The following GPAT3 variants were observed in gnomAD, a reference collection of about 807,000 sequenced individuals.
The protein encoded by GPAT3 is 1-AGP acyltransferase 9.
GPAT3 carries 53 observed loss-of-function variants against 58.8 expected under a neutral mutation model. The observed-to-expected ratio is 0.90, with a 90% CI of 0.72 to 1.13. The LOEUF (loss-of-function observed/expected upper bound fraction) is 1.13, where lower values mean the gene tolerates loss of function less well. Ranked by LOEUF, GPAT3 falls within the 50% of genes most tolerant of loss-of-function variation. The pLI, the probability that GPAT3 is intolerant of heterozygous loss-of-function variation, is 0.00. For synonymous variants in GPAT3, 197 were observed against 187.4 expected, an observed-to-expected ratio of 1.05 and a Z score of -0.42; for missense variants, 511 against 527.6, an observed-to-expected ratio of 0.97 and a Z score of 0.31.
At position 83,536,487 on chromosome 4, in the gene GPAT3, C is replaced by T. The variant is rs987312367; in HGVS notation, c.-136C>T. ...GTAATTCTGAAAGTTTTTTTCCTTC[C>T]TCTCTTCCCTTCGCAGAGGTGAGTG... is the stretch of plus-strand genomic sequence containing the variant. On this transcript the variant is annotated 5_prime_UTR_variant, in exon 1 of 12. Coordinates refer to ENST00000264409, the MANE Select transcript of GPAT3 (RefSeq NM_032717.5). 9 of 1,477,082 alleles carry T rather than the reference C, an allele frequency of 6.1e-6. No homozygotes were observed. In the Admixed American group the frequency reaches 1.2e-4, roughly 20 times the overall value. The allele number at this position is 1,477,082 out of a possible 1,614,324, so 91.5% of individuals were successfully genotyped here.
In GPAT3 at chr4:83,545,311, C is replaced by T. The variant is rs193266708; in HGVS notation, c.208+709C>T. Among the ~76,000 whole-genome samples the T allele has an allele frequency of 1.3e-3, 196 of 152,110 alleles. 2 individuals are homozygous for T. Among genetic ancestry groups the T allele is most frequent in the Non-Finnish European group, 7.4e-4 (50 of 67,986 alleles). ...CAAAAATTAGCTGAGTGTGGTGGTG[C>T]GCACCTGTAGTCCCAGCTACTCAGA... On this transcript the variant is annotated intron_variant, in intron 2 of 11. Transcript: ENST00000264409.
At chr4:83,570,285 C>T (rs1312359700) in intron 2 of GPAT3, among the ~76,000 whole-genome samples, 1 of 152,088 alleles carries the variant, frequency 6.6e-6, no homozygotes, top group Non-Finnish European at 1.5e-5. Context: ...TACAGAATAC[C>T]TCATAGGATT....
intron 2 of GPAT3, among the ~76,000 whole-genome samples, chr4:83,554,627 G>A (rs1272456546): frequency 6.6e-6 from 1 of 151,944 alleles, no homozygotes; most frequent in African/African-American, 2.4e-5. Flanking sequence ...CTGGTCAAAG[G>A]CAGCTTGAAA....
chr4:83,593,316 C>T (rs538539008), intron 6 of GPAT3, among the ~76,000 whole-genome samples: 1 of 151,832 alleles, frequency 6.6e-6, no homozygotes, highest in Non-Finnish European at 1.5e-5. Flanking sequence ...AGGTGACCAT[C>T]ACCACACCCA....
rs573826124 is a variant in GPAT3 at position 83,557,978 on chromosome 4, C to T, written c.208+13376C>T. On this transcript the variant is annotated intron_variant, in intron 2 of 11. Coordinates refer to ENST00000264409, the MANE Select transcript of GPAT3 (RefSeq NM_032717.5). Reference sequence around the variant, plus strand: ...CTGTGATCCCAGCACTTTGGGAGGCCGAGGCAGGTGAATCACCTGAGGTCA... The same window carrying T: ...CTGTGATCCCAGCACTTTGGGAGGCTGAGGCAGGTGAATCACCTGAGGTCA... Among the ~76,000 whole-genome samples the T allele has an allele frequency of 4.6e-5, 7 of 152,098 alleles. No individual in the cohort carries two copies. In the East Asian group the frequency reaches 5.8e-4, roughly 13 times the overall value.
intron 2 of GPAT3, among the ~76,000 whole-genome samples, chr4:83,551,729 T>C (rs1475431044): frequency 6.7e-6 from 1 of 148,470 alleles, no homozygotes; most frequent in Non-Finnish European, 1.5e-5. Context: ...GAGGCAGAGG[T>C]TGTAGTGAGC....
chr4:83,564,603 G>A (rs1725314750), intron 2 of GPAT3, among the ~76,000 whole-genome samples: 2 of 152,104 alleles, frequency 1.3e-5, no homozygotes, highest in South Asian at 4.1e-4. Flanking sequence ...GCAAGCTGAG[G>A]TGGGTGGATC....
chr4:83,598,637 A>G lies in GPAT3; in HGVS notation c.1126-7A>G, dbSNP rs1270631135. On this transcript the variant is annotated splice_region_variant and splice_polypyrimidine_tract_variant and intron_variant, in intron 10 of 11. Transcript: ENST00000264409. ...TATTCTTGCAATTTTTTTTTTTTTT[A>G]AACCAGGAAGGAGAAGATGCAGTCC... The G allele has an allele frequency of 6.3e-7, 1 of 1,584,668 alleles. No homozygotes were observed. Among genetic ancestry groups the G allele is most frequent in the Admixed American group, 1.8e-5 (1 of 55,484 alleles).
intron 5 of GPAT3, among the ~76,000 whole-genome samples, chr4:83,589,583 A>C (rs1325813681): frequency 6.6e-6 from 1 of 152,200 alleles, no homozygotes; most frequent in African/African-American, 2.4e-5. Flanking sequence ...GGAGGGAGGA[A>C]ATTATGGTGA....
At chr4:83,557,628 A>T (rs994368673) in intron 2 of GPAT3, among the ~76,000 whole-genome samples, 4 of 152,224 alleles carry the variant, frequency 2.6e-5, no homozygotes, top group Admixed American at 2.6e-4. Flanking sequence ...CTAAACCATG[A>T]TATGTCCTCA....
At chr4:83,584,475 C>T (rs1430197943) in intron 3 of GPAT3, among the ~76,000 whole-genome samples, 1 of 152,172 alleles carries the variant, frequency 6.6e-6, no homozygotes, top group Non-Finnish European at 1.5e-5. Context: ...GGTTGCACAA[C>T]TCTGTGAATA....
chr4:83,549,604 C>T (rs1379753307), intron 2 of GPAT3, among the ~76,000 whole-genome samples: 1 of 150,408 alleles, frequency 6.6e-6, no homozygotes, highest in East Asian at 1.9e-4. Flanking sequence ...GCAATCTTGG[C>T]TCACTGCAAC....
In GPAT3 at chr4:83,560,661, G is replaced by A. The variant is rs1725097284; in HGVS notation, c.208+16059G>A. The stretch of plus-strand genomic sequence containing the variant: ...TTGGATGTGTCCTCCTGCTCAAATC[G>A]CATGTTGAAATATAATCCCCAGTGT... On this transcript the variant is annotated intron_variant, in intron 2 of 11. Coordinates refer to ENST00000264409, the MANE Select transcript of GPAT3 (RefSeq NM_032717.5). 2.0e-5 allele frequency among the ~76,000 whole-genome samples: 3 copies of A among 152,154 alleles called. No individual in the cohort carries two copies. The South Asian group carries it at 6.2e-4, about 32-fold the overall frequency.
chr4:83,547,228 A>G (rs1458195550), intron 2 of GPAT3, among the ~76,000 whole-genome samples: 1 of 151,250 alleles, frequency 6.6e-6, no homozygotes, highest in African/African-American at 2.4e-5. Context: ...CTGCACTGAA[A>G]AACTTCCTTC....
rs1170396984 is a variant in GPAT3 at position 83,536,637 on chromosome 4, G to A, written c.15G>A (p.Glu5=). The A allele has an allele frequency of 6.2e-7, 1 of 1,612,714 alleles. No individual in the cohort carries two copies. The highest frequency in any genetic ancestry group is 8.5e-7 in the Non-Finnish European group (1 of 1,179,946). Residue 5 remains glutamate (E), a synonymous_variant, in exon 1 of 12, where the codon GAG becomes GAA. Coordinates refer to ENST00000264409, the MANE Select transcript of GPAT3 (RefSeq NM_032717.5). MEGA[E]LAGKILSTWL... Reference sequence around the variant, plus strand: ...TGCGCCGAGTCATGGAGGGCGCAGAGCTGGCCGGGAAGATCCTTTCCACCT... The same window carrying A: ...TGCGCCGAGTCATGGAGGGCGCAGAACTGGCCGGGAAGATCCTTTCCACCT...
At chr4:83,593,365 C>A (rs1213728617) in intron 6 of GPAT3, among the ~76,000 whole-genome samples, 3 of 151,754 alleles carry the variant, frequency 2.0e-5, no homozygotes, top group Non-Finnish European at 4.4e-5. Flanking sequence ...GGGGTTTCAC[C>A]ATGTTGGCCA....
At chr4:83,598,751 CTTTTTTTTTTTTTTT>C (rs70965361) in intron 11 of GPAT3, 28 bp downstream of exon 11, 167 of 152,432 alleles carry the variant, frequency 1.1e-3, no homozygotes, top group East Asian at 3.4e-3. Flanking sequence ...AGTACTATCA[CTTTTTTTTTTTTTTT>C]TTTTTTTTTT....
In GPAT3 at chr4:83,536,209, G is replaced by A; in HGVS notation, c.-414G>A. On this transcript the variant is annotated 5_prime_UTR_variant, in exon 1 of 12. Coordinates refer to ENST00000264409, the MANE Select transcript of GPAT3 (RefSeq NM_032717.5). ...AACCTGGCTCGGGGAGGGCCTCCGT[G>A]AGTCATCTGCTGAGTTGTCGCAATC... 1.0e-6 allele frequency: 1 copy of A among 989,654 alleles called. No homozygotes were observed. Among genetic ancestry groups the A allele is most frequent in the Non-Finnish European group, 1.2e-6 (1 of 832,900 alleles). 61.3% of individuals were successfully genotyped at this position (989,654 alleles called of 1,614,324 possible).
intron 2 of GPAT3, among the ~76,000 whole-genome samples, chr4:83,571,684 GTATA>G (rs147620205): frequency 0.19 from 27,456 of 147,620 alleles, 3,140 homozygotes; most frequent in East Asian, 0.31. Flanking sequence ...ATATATATGT[GTATA>G]TATATATATA....
Sources: gnomAD v4.1 joint callset for allele counts (sites outside exome capture counted in the v4.1 genomes callset) on GRCh38, gnomAD v4.1.1 for gene constraint, MANE v1.5 for transcripts, NCBI Gene and HGNC (gene_info 2026-07-23, HGNC 2026-07-21) for gene names.